The following COL12A1 variants were observed in gnomAD, a reference collection of about 807,000 sequenced individuals.
COL12A1 encodes the protein collagen alpha-1(XII) chain.
Under a neutral mutation model 349.7 loss-of-function variants are expected in COL12A1, and 114 were observed. The observed-to-expected ratio is 0.33, with a 90% CI of 0.28 to 0.38. The LOEUF (loss-of-function observed/expected upper bound fraction) is 0.38. Among genes scored for constraint, COL12A1 ranks in the 10% least tolerant of loss-of-function variants. COL12A1 has a pLI of 1.00. For missense variants in COL12A1, 3,284 were observed against 3,756.9 expected (o/e 0.87, Z 3.29); for synonymous variants, 1,369 against 1,329.0 (o/e 1.03, Z -0.66).
rs1305647848 is a variant in COL12A1, at chr6:75,152,372, C to T, written c.3676G>A (p.Val1226Met). ...RTVRSFISRI[V>M]EVFDIGPKRV... ...TTGGGGCCAATGTCAAAGACTTCCA[C>T]AATACGAGAAATGAAACTCCTCACG... The change falls in exon 18 of 66, where the codon GTG (valine) becomes ATG (methionine). Residue 1226 changes from valine (V) to methionine (M), a missense_variant. Physicochemically the swap from Val to Met is conservative, Grantham distance 21. Around this residue, in one of 2 missense-constraint regions of COL12A1, gnomAD observed 2,601 missense variants for 2,824.8 expected, o/e 0.92. Coordinates refer to ENST00000322507, the MANE Select transcript of COL12A1 (RefSeq NM_004370.6). The T allele has an allele frequency of 1.9e-6, 3 of 1,613,518 alleles. No homozygotes were observed. Among genetic ancestry groups the T allele is most frequent in the South Asian group, 2.2e-5 (2 of 91,078 alleles).
At position 75,119,189 on chromosome 6, in the gene COL12A1, A is replaced by G. The variant is rs766034760; in HGVS notation, c.7211-3T>C. Reference sequence around the variant, plus strand: ...CTTGATAAACGTGAGGGCCTTGCCTACAGAATGTGGCATGGAAAATTTTAG... The same window carrying G: ...CTTGATAAACGTGAGGGCCTTGCCTGCAGAATGTGGCATGGAAAATTTTAG... On this transcript the variant is annotated splice_region_variant and splice_polypyrimidine_tract_variant and intron_variant, in intron 45 of 65. Transcript: ENST00000322507. The G allele has an allele frequency of 3.1e-6, 5 of 1,613,730 alleles. No homozygotes were observed. The highest frequency in any genetic ancestry group is 4.2e-6 in the Non-Finnish European group (5 of 1,179,858).
At chr6:75,187,522 T>C (rs1769691256) in intron 8 of COL12A1, among the ~76,000 whole-genome samples, 1 of 152,010 alleles carries the variant, frequency 6.6e-6, no homozygotes, top group Non-Finnish European at 1.5e-5. Context: ...GATTTTATAA[T>C]AATACAAAGC....
chr6:75,200,221 C>T (rs480888), intron 2 of COL12A1, among the ~76,000 whole-genome samples: 3,839 of 152,282 alleles, frequency 0.025, 177 homozygotes, highest in African/African-American at 0.087. Flanking sequence ...TAGTAGTCAA[C>T]AGCAGAGCTG....
Position 75,111,252 on chromosome 6 carries a change from A to G in COL12A1, c.7950+1952T>C, listed in dbSNP as rs1056652451. On this transcript the variant is annotated intron_variant, in intron 51 of 65. Coordinates refer to ENST00000322507, the MANE Select transcript of COL12A1 (RefSeq NM_004370.6). Reference sequence around the variant, plus strand: ...AGGAGAAACTAAAAGAAAGATTATTAAAATAAAAAACAAAGAAGAAGGTAG... The same window carrying G: ...AGGAGAAACTAAAAGAAAGATTATTGAAATAAAAAACAAAGAAGAAGGTAG... Among the ~76,000 whole-genome samples, 39 of 152,052 alleles carry G rather than the reference A, an allele frequency of 2.6e-4. 1 individual carries two copies. The highest frequency in any genetic ancestry group is 9.4e-4 in the African/African-American group (39 of 41,574).
intron 26 of COL12A1, among the ~76,000 whole-genome samples, chr6:75,142,442 A>T (rs1344501135): frequency 4.6e-5 from 7 of 152,186 alleles, no homozygotes; most frequent in Non-Finnish European, 1.0e-4. Context: ...GTTTCCCTTT[A>T]TATCACTGCA....
chr6:75,184,007 C>G lies in COL12A1; in HGVS notation c.1135G>C (p.Ala379Pro), dbSNP rs779083996. 8.7e-6 allele frequency: 14 copies of G among 1,614,030 alleles called. No homozygotes were observed. Among genetic ancestry groups the G allele is most frequent in the Non-Finnish European group, 1.2e-5 (14 of 1,180,034 alleles). Residue 379 changes from alanine to proline, a missense_variant, in exon 9 of 66, where the codon GCT becomes CCT. Ala to Pro is a conservative substitution (Grantham distance 27, BLOSUM62 -1). Coordinates refer to ENST00000322507, the MANE Select transcript of COL12A1 (RefSeq NM_004370.6). ...GTTGTCTGAGGCCCCACACTCAGAG[C>G]GTGCTGTCGGCTTCCTGCAGTCATT... The part of the protein sequence containing the change: ...TPMTAGSRQH[A>P]LSVGPQTTTL...
Position 75,131,965 on chromosome 6 carries a change from A to G in COL12A1, c.5912T>C (p.Val1971Ala), listed in dbSNP as rs1362881736. 1.9e-6 allele frequency: 3 copies of G among 1,614,000 alleles called. No individual in the cohort carries two copies. The highest frequency in any genetic ancestry group is 2.5e-6 in the Non-Finnish European group (3 of 1,179,998). ...VLQYRVVYSP[V>A]DGTRPSESIV... ...AGATTCTGAGGGTCTTGTGCCATCC[A>G]CAGGAGAATACACAACGCGATATTG... Residue 1971 changes from valine to alanine, a missense_variant, in exon 35 of 66, where the codon GTG becomes GCG. Transcript: ENST00000322507.
chr6:75,089,144 G>C lies in COL12A1; in HGVS notation c.8972C>G (p.Thr2991Ser), dbSNP rs780326474. ...GLPGEKGERG[T>S]GSSGPRGLPG... ...CAGCCCCCGAGGTCCTGAAGATCCA[G>C]TACCCCTTTCACCTTTCTCTCCTGG... is the stretch of plus-strand genomic sequence containing the variant. Residue 2991 changes from threonine (T) to serine (S), a missense_variant, in exon 64 of 66, where the codon ACT becomes AGT. Thr to Ser is a moderately conservative substitution (Grantham distance 58). Transcript: ENST00000322507. The C allele has an allele frequency of 1.9e-6, 3 of 1,611,250 alleles. No homozygotes were observed. Among genetic ancestry groups the C allele is most frequent in the African/African-American group, 1.3e-5 (1 of 74,594 alleles).
chr6:75,130,306 T>C (rs1766239767), intron 36 of COL12A1, 73 bp from the exon 37 acceptor site: 2 of 1,463,628 alleles, frequency 1.4e-6, no homozygotes, highest in Non-Finnish European at 1.9e-6. Context: ...AGGAGGTTGC[T>C]TGCATGTGTT....
At chr6:75,171,681 CA>C in intron 13 of COL12A1, among the ~76,000 whole-genome samples, 1 of 152,342 alleles carries the variant, frequency 6.6e-6, no homozygotes, top group Non-Finnish European at 1.5e-5. Flanking sequence ...CCCTCAAAAG[CA>C]GTTGCCTGGC....
At chr6:75,189,115 T>C in intron 7 of COL12A1, 102 bp downstream of exon 7, 1 of 1,280,032 alleles carries the variant, frequency 7.8e-7, no homozygotes, top group South Asian at 1.5e-5. Context: ...AGTAAACACT[T>C]CTAATAGCAT....
In COL12A1 at chr6:75,177,825, G is replaced by A. The variant is rs141517088; in HGVS notation, c.2275C>T (p.Pro759Ser). Residue 759 changes from proline to serine, a missense_variant, in exon 12 of 66, where the codon CCA becomes TCA. By Grantham distance (74) the Pro-to-Ser change is moderately conservative. Around this residue, in one of 2 missense-constraint regions of COL12A1, gnomAD observed 2,601 missense variants for 2,824.8 expected, o/e 0.92. Transcript: ENST00000322507. ...RVLRYRIIYR[P>S]VAGGESREVT... is the part of the protein sequence containing the mutation. ...TCTCTGCTCTCTCCACCAGCAACTG[G>A]TCTATATATAATTCGATATCTTAAA... is the stretch of plus-strand genomic sequence containing the variant. 691 of 1,614,026 alleles carry A rather than the reference G, an allele frequency of 4.3e-4. 3 individuals are homozygous for A. The African/African-American group carries it at 7.1e-3, about 17-fold the overall frequency.
In COL12A1 at chr6:75,156,437, C is replaced by T. The variant is rs200985706; in HGVS notation, c.3070G>A (p.Val1024Ile). ...VTWKPAPGKVVNYRVVYRPHG... is the reference protein window; with the variant it reads ...VTWKPAPGKVINYRVVYRPHG... ...GGGCGATAGACAACACGGTAGTTGA[C>T]GACTTTCCCTGGTGCTGGTTTCCAT... Residue 1024 changes from valine (V) to isoleucine (I), a missense_variant, in exon 15 of 66, where the codon GTC (valine) becomes ATC (isoleucine). Coordinates refer to ENST00000322507, the MANE Select transcript of COL12A1 (RefSeq NM_004370.6). The T allele has an allele frequency of 2.9e-5, 46 of 1,613,922 alleles. No individual in the cohort carries two copies. The highest frequency in any genetic ancestry group is 6.7e-5 in the East Asian group (3 of 44,876).
intron 13 of COL12A1, among the ~76,000 whole-genome samples, chr6:75,173,566 G>A (rs1768754988): frequency 6.6e-6 from 1 of 152,040 alleles, no homozygotes; most frequent in Admixed American, 6.5e-5. Flanking sequence ...GTAGAGACAG[G>A]GTTTTACCAT....
At position 75,148,366 on chromosome 6, in the gene COL12A1, G is replaced by A. The variant is rs779038394; in HGVS notation, c.4279C>T (p.Arg1427Cys). The A allele has an allele frequency of 1.4e-5, 23 of 1,612,194 alleles. No individual in the cohort carries two copies. The highest frequency in any genetic ancestry group is 1.2e-4 in the African/African-American group (9 of 74,900). The change falls in exon 22 of 66, where the codon CGT (arginine) becomes TGT (cysteine). Residue 1427 changes from arginine to cysteine, a missense_variant. Physicochemically the swap from Arg to Cys is radical, Grantham distance 180. Around this residue, in one of 2 missense-constraint regions of COL12A1, gnomAD observed 2,601 missense variants for 2,824.8 expected, o/e 0.92. Coordinates refer to ENST00000322507, the MANE Select transcript of COL12A1 (RefSeq NM_004370.6). ...TAGGTGTTCCTACTCACTTCTTGAC[G>A]TTTCCCTCCAGAAACTGGATAGTAT... ...VEYYPVSGGK[R>C]QEFYVSRMET... is the part of the protein sequence containing the mutation.
intron 57 of COL12A1, 87 bp from the exon 58 acceptor site, chr6:75,101,740 T>A (rs2149343193): frequency 2.1e-6 from 3 of 1,434,970 alleles, no homozygotes; most frequent in Non-Finnish European, 2.9e-6. Flanking sequence ...ATTTTTTTTT[T>A]AATTCCAGAG....
chr6:75,088,113 C>T (rs1767591126), intron 64 of COL12A1, among the ~76,000 whole-genome samples: 1 of 152,180 alleles, frequency 6.6e-6, no homozygotes, highest in African/African-American at 2.4e-5. Context: ...AAGAAGGCAG[C>T]GTCTGCTCCA....
intron 13 of COL12A1, 108 bp downstream of exon 13, chr6:75,174,930 A>G: frequency 2.4e-6 from 3 of 1,230,116 alleles, no homozygotes; most frequent in Non-Finnish European, 3.4e-6. Flanking sequence ...TCTTTTTAAG[A>G]GAAAGGATTG....
intron 13 of COL12A1, among the ~76,000 whole-genome samples, chr6:75,173,130 A>T (rs1768724737): frequency 6.6e-6 from 1 of 152,134 alleles, no homozygotes; most frequent in Non-Finnish European, 1.5e-5. Context: ...TTTCACTTAC[A>T]TTCTCCCATT....
Sources: gnomAD v4.1 joint callset for allele counts (sites outside exome capture counted in the v4.1 genomes callset) on GRCh38, gnomAD v4.1.1 for gene constraint, gnomAD v4.1.1 regional missense constraint, MANE v1.5 for transcripts, NCBI Gene and HGNC (gene_info 2026-07-23, HGNC 2026-07-21) for gene names.